The following EZH2 variants were observed in gnomAD, a reference collection of about 807,000 sequenced individuals.
EZH2 encodes enhancer of zeste 2 polycomb repressive complex 2 subunit, also known as histone-lysine N-methyltransferase EZH2.
Under a neutral mutation model 98.4 loss-of-function variants are expected in EZH2, and 18 were observed. The observed-to-expected ratio is 0.18, with a 90% CI of 0.13 to 0.27. EZH2 has a LOEUF of 0.27. EZH2 is among the 10% of genes least tolerant of loss of function. The pLI is 1.00. For missense variants in EZH2, 470 were observed against 935.1 expected (o/e 0.50, Z 6.49); for synonymous variants, 338 against 312.3 (o/e 1.08, Z -0.87).
chr7:148,809,530 A>G (rs1357595944), intron 17 of EZH2, 140 bp from the exon 18 acceptor site: 2 of 590,002 alleles, frequency 3.4e-6, no homozygotes, highest in Non-Finnish European at 6.0e-6. Flanking sequence ...AGCTTCATTC[A>G]GTAAGAAATG....
In EZH2 at chr7:148,839,053, T is replaced by TAAGGAAGGAAGA. The variant is rs1811651108; in HGVS notation, c.247-6304_247-6303insTCTTCCTTCCTT. Among the ~76,000 whole-genome samples the TAAGGAAGGAAGA allele has an allele frequency of 3.7e-5, 4 of 107,744 alleles. No homozygotes were observed. In the South Asian group the frequency reaches 1.6e-3, roughly 42 times the overall value. 70.7% of individuals were successfully genotyped at this position (107,744 alleles called of 152,430 possible). Reference sequence around the variant, plus strand: ...GGTAATAGAGCAAAACTCTGTCAAATAAGGAAGGAAGGAAGGAAGGAAGGA... The same window carrying TAAGGAAGGAAGA: ...GGTAATAGAGCAAAACTCTGTCAAATAAGGAAGGAAGAAAGGAAGGAAGGAAGGAAGGAAGGA... On this transcript the variant is annotated intron_variant, in intron 3 of 19. Coordinates refer to ENST00000320356, the MANE Select transcript of EZH2 (RefSeq NM_004456.5).
At chr7:148,835,319 G>T (rs1418688384) in intron 3 of EZH2, among the ~76,000 whole-genome samples, 1 of 151,810 alleles carries the variant, frequency 6.6e-6, no homozygotes, top group Non-Finnish European at 1.5e-5. Context: ...GCTACTTGAG[G>T]GGCTGAGGTG....
chr7:148,828,470 A>G (rs1367079584), intron 6 of EZH2, among the ~76,000 whole-genome samples: 2 of 151,940 alleles, frequency 1.3e-5, no homozygotes, highest in East Asian at 1.9e-4. Flanking sequence ...TTTACTTTTT[A>G]GTAGAGATGG....
At position 148,817,965 on chromosome 7, in the gene EZH2, G is replaced by T. The variant is rs1387683954; in HGVS notation, c.1152C>A (p.Asp384Glu). The T allele has an allele frequency of 6.2e-7, 1 of 1,613,956 alleles. No individual in the cohort carries two copies. Among genetic ancestry groups the T allele is most frequent in the South Asian group, 1.1e-5 (1 of 91,058 alleles). Residue 384 changes from aspartate (D) to glutamate (E), a missense_variant, in exon 10 of 20, where the codon GAC (aspartate) becomes GAA (glutamate). Asp to Glu is a conservative substitution (Grantham distance 45). Coordinates refer to ENST00000320356, the MANE Select transcript of EZH2 (RefSeq NM_004456.5). ...TINVLESKDT[D>E]SDREAGTETG... ...TTTCAGTCCCTGCTTCCCTATCACT[G>T]TCTGTATCCTTTGATTCCAGCACAT...
intron 17 of EZH2, among the ~76,000 whole-genome samples, chr7:148,809,786 G>A (rs1307510091): frequency 6.6e-6 from 1 of 151,690 alleles, no homozygotes; most frequent in Non-Finnish European, 1.5e-5. Flanking sequence ...TATTCTACTT[G>A]TTCCAACTAA....
chr7:148,815,798 C>CCA (rs1934015089), intron 12 of EZH2, among the ~76,000 whole-genome samples: 1 of 152,152 alleles, frequency 6.6e-6, no homozygotes, highest in Admixed American at 6.5e-5. Context: ...TCCTGAGCTC[C>CCA]CAATGCTGCA....
intron 17 of EZH2, chr7:148,810,105 C>G: frequency 2.4e-6 from 1 of 414,956 alleles, no homozygotes; most frequent in African/African-American, 1.9e-5. Context: ...TAGTGCCACC[C>G]ACAGACAGCC....
chr7:148,810,181 A>C (rs1489066251), intron 17 of EZH2, 152 bp downstream of exon 17: 1 of 521,474 alleles, frequency 1.9e-6, no homozygotes, highest in African/African-American at 1.9e-5. Flanking sequence ...TCCTTGCTCC[A>C]GTTCCTTTCA....
chr7:148,845,412 C>T (rs919831913), intron 3 of EZH2, among the ~76,000 whole-genome samples: 8 of 152,132 alleles, frequency 5.3e-5, no homozygotes, highest in Non-Finnish European at 8.8e-5. Flanking sequence ...AATTATAAGT[C>T]AGAGCTTTAC....
intron 1 of EZH2, among the ~76,000 whole-genome samples, chr7:148,859,515 A>AACT (rs1817359147): frequency 6.6e-6 from 1 of 150,388 alleles, no homozygotes; most frequent in Non-Finnish European, 1.5e-5. Flanking sequence ...AAACAACAAC[A>AACT]ACAACAACAA....
At chr7:148,882,326 G>C (rs1041482797) in intron 1 of EZH2, among the ~76,000 whole-genome samples, 5 of 152,076 alleles carry the variant, frequency 3.3e-5, no homozygotes, top group African/African-American at 1.2e-4. Flanking sequence ...TTTCTAACTT[G>C]TTTTCTTGGA....
chr7:148,815,183 C>T, intron 13 of EZH2, 144 bp from the exon 14 acceptor site: 7 of 1,129,922 alleles, frequency 6.2e-6, no homozygotes, highest in East Asian at 2.6e-5. Context: ...ACACATATTC[C>T]GGTTTCCACA....
intron 14 of EZH2, 77 bp from the exon 15 acceptor site, chr7:148,814,214 T>C (rs1032287174): frequency 1.5e-6 from 2 of 1,352,398 alleles, no homozygotes; most frequent in African/African-American, 1.4e-5. Context: ...GCAAGGGCTG[T>C]ACTGGGCATC....
At chr7:148,864,986 G>T (rs1248564961) in intron 1 of EZH2, among the ~76,000 whole-genome samples, 1 of 152,140 alleles carries the variant, frequency 6.6e-6, no homozygotes, top group Non-Finnish European at 1.5e-5. Flanking sequence ...AATTAGCCGG[G>T]TATGGTGGCA....
In EZH2 at chr7:148,817,918, T is replaced by G. The variant is rs774270705; in HGVS notation, c.1199A>C (p.Lys400Thr). 3.1e-6 allele frequency: 5 copies of G among 1,614,172 alleles called. No homozygotes were observed. ...TTCATCTTTCTTCTCTTCTTCTTCTTTATCATTGTTCTCTCCCCCCGTTTC... is the reference window on the plus strand; with the variant it reads ...TTCATCTTTCTTCTCTTCTTCTTCTGTATCATTGTTCTCTCCCCCCGTTTC... ...GTETGGENNDKEEEEKKDETS... is the reference protein window; with the variant it reads ...GTETGGENNDTEEEEKKDETS... The change falls in exon 10 of 20, where the codon AAA (lysine) becomes ACA (threonine). Residue 400 changes from lysine (K) to threonine (T), a missense_variant. Physicochemically the swap from Lys to Thr is moderately conservative, Grantham distance 78. Transcript: ENST00000320356.
Position 148,865,117 on chromosome 7 carries a change from AC to A in EZH2, c.-7-17813del, listed in dbSNP as rs1317799513. 4.9e-5 allele frequency among the ~76,000 whole-genome samples: 7 copies of A among 143,348 alleles called. No homozygotes were observed. In the East Asian group the frequency reaches 1.4e-3, roughly 29 times the overall value. The allele number at this position is 143,348 out of a possible 152,430, so 94.0% of individuals were successfully genotyped here. Reference sequence around the variant, plus strand: ...TCTTCAGCCTGGGTGACAGAGCGAGACTTGTCTCAAAAAAAAAAAAAAAAAA... The same window carrying A: ...TCTTCAGCCTGGGTGACAGAGCGAGATTGTCTCAAAAAAAAAAAAAAAAAA... On this transcript the variant is annotated intron_variant, in intron 1 of 19. Coordinates refer to ENST00000320356, the MANE Select transcript of EZH2 (RefSeq NM_004456.5).
At chr7:148,839,973 T>C (rs1218030353) in intron 3 of EZH2, among the ~76,000 whole-genome samples, 1 of 152,218 alleles carries the variant, frequency 6.6e-6, no homozygotes, top group Non-Finnish European at 1.5e-5. Context: ...GACATTTAAC[T>C]TCACTGAATA....
At chr7:148,846,292 T>C (rs1485922154) in intron 3 of EZH2, among the ~76,000 whole-genome samples, 178 bp downstream of exon 3, 3 of 152,154 alleles carry the variant, frequency 2.0e-5, no homozygotes, top group South Asian at 2.1e-4. Flanking sequence ...AACTCTGTTA[T>C]AGGAATAGCT....
chr7:148,839,382 AT>A (rs1811823957), intron 3 of EZH2, among the ~76,000 whole-genome samples: 1 of 152,208 alleles, frequency 6.6e-6, no homozygotes, highest in Admixed American at 6.5e-5. Flanking sequence ...ATATTAGAAT[AT>A]AAAAATGAAA....
Sources: gnomAD v4.1 joint callset for allele counts (sites outside exome capture counted in the v4.1 genomes callset) on GRCh38, gnomAD v4.1.1 for gene constraint, MANE v1.5 for transcripts, NCBI Gene and HGNC (gene_info 2026-07-23, HGNC 2026-07-21) for gene names.